The following MEFV variants were observed in gnomAD, a reference collection of about 807,000 sequenced individuals.
The protein encoded by MEFV is MEFV innate immunity regulator, pyrin, also known as pyrin.
Under a neutral mutation model 62.5 loss-of-function variants are expected in MEFV, and 60 were observed. That is an observed-to-expected ratio of 0.96 (90% CI 0.78 to 1.19). MEFV has a LOEUF of 1.19. Among genes scored for constraint, MEFV ranks in the 50% most tolerant of loss-of-function variants. The pLI is 0.00. For missense variants in MEFV, 1,169 were observed against 1,004.5 expected (o/e 1.16, Z -2.21); for synonymous variants, 500 against 415.2 (o/e 1.20, Z -2.48).
At position 3,243,261 on chromosome 16, in the gene MEFV, T is replaced by C. The variant is rs1958884329; in HGVS notation, c.2226A>G (p.Thr742=). 2 of 1,614,026 alleles carry C rather than the reference T, an allele frequency of 1.2e-6. No homozygotes were observed. Among genetic ancestry groups the C allele is most frequent in the African/African-American group, 2.7e-5 (2 of 74,900 alleles). The change falls in exon 10 of 10, where the codon ACA becomes ACG. Residue 742 remains threonine, a synonymous_variant. Transcript: ENST00000219596. ...YNVTARSHIY[T]FASCSFSGPL... is the part of the protein sequence containing the mutation. ...GCCCAGAGAAAGAGCAGCTGGCGAA[T>C]GTATAGATGTGGGATCTGGCTGTCA...
chr16:3,254,609 C>T lies in MEFV; in HGVS notation c.459G>A (p.Leu153=). The T allele has an allele frequency of 6.2e-7, 1 of 1,601,646 alleles. No individual in the cohort carries two copies. The highest frequency in any genetic ancestry group is 8.5e-7 in the Non-Finnish European group (1 of 1,176,368). ...RCSQPEAGRG[L]SRKPLSKRRE... ...TGCGTTTGCTCAGGGGCTTCCTCGA[C>T]AGCCCCCTCCCGGCCTCGGGCTGGC... is the stretch of plus-strand genomic sequence containing the variant. The change falls in exon 2 of 10, where the codon CTG becomes CTA. Residue 153 remains leucine, a synonymous_variant. Coordinates refer to ENST00000219596, the MANE Select transcript of MEFV (RefSeq NM_000243.3).
At chr16:3,245,122 A>G (rs1958920590) in intron 6 of MEFV, among the ~76,000 whole-genome samples, 1 of 152,042 alleles carries the variant, frequency 6.6e-6, no homozygotes, top group Non-Finnish European at 1.5e-5. Flanking sequence ...CCCTGTCTCT[A>G]TTAAAAATAC....
intron 2 of MEFV, chr16:3,251,886 A>G (rs1159310113): frequency 4.6e-6 from 1 of 216,360 alleles, no homozygotes; most frequent in South Asian, 5.3e-5. Flanking sequence ...AGATTAACGA[A>G]GCGGCCCTAG....
chr16:3,254,720 C>T lies in MEFV; in HGVS notation c.348G>A (p.Arg116=), dbSNP rs761181557. ...ASSSLGENKP[R]SLKTPDHPEG... ...CGGGGTGGTCTGGAGTCTTCAGGCT[C>T]CTGGGCTTGTTCTCCCCCAGGGAGC... Residue 116 remains arginine, a synonymous_variant, in exon 2 of 10, where the codon AGG becomes AGA. Coordinates refer to ENST00000219596, the MANE Select transcript of MEFV (RefSeq NM_000243.3). 7 of 1,612,906 alleles carry T rather than the reference C, an allele frequency of 4.3e-6. No homozygotes were observed. The highest frequency in any genetic ancestry group is 5.9e-6 in the Non-Finnish European group (7 of 1,180,014).
Position 3,242,192 on chromosome 16 carries a change from A to T in MEFV, c.*949T>A. The T allele has an allele frequency of 4.0e-6, 1 of 251,950 alleles. No individual in the cohort carries two copies. Among genetic ancestry groups the T allele is most frequent in the South Asian group, 3.0e-5 (1 of 33,678 alleles). 15.6% of individuals were successfully genotyped at this position (251,950 alleles called of 1,614,324 possible). A position where few individuals can be genotyped will look rare whatever the true frequency, so the allele number is the denominator to read the frequency against. On this transcript the variant is annotated 3_prime_UTR_variant, in exon 10 of 10. Coordinates refer to ENST00000219596, the MANE Select transcript of MEFV (RefSeq NM_000243.3). ...GGCCTGGCCAACATGATGAAACCTC[A>T]TGTCTACTAAAAATGCAAAAAATTA...
Position 3,250,822 on chromosome 16 carries a change from A to G in MEFV, c.911-1042T>C, listed in dbSNP as rs544374160. Among the ~76,000 whole-genome samples the G allele has an allele frequency of 5.3e-5, 8 of 151,330 alleles. No individual in the cohort carries two copies. In the East Asian group the frequency reaches 1.4e-3, roughly 26 times the overall value. On this transcript the variant is annotated intron_variant, in intron 2 of 9. Coordinates refer to ENST00000219596, the MANE Select transcript of MEFV (RefSeq NM_000243.3). Reference sequence around the variant, plus strand: ...GGGTGGGTCATGAGGTCAGGAGTTCAAGACCAGCCTGGCCAAGATGGTGAA... The same window carrying G: ...GGGTGGGTCATGAGGTCAGGAGTTCGAGACCAGCCTGGCCAAGATGGTGAA...
At chr16:3,250,320 C>T (rs781434943) in intron 2 of MEFV, among the ~76,000 whole-genome samples, 5 of 152,184 alleles carry the variant, frequency 3.3e-5, no homozygotes, top group Non-Finnish European at 7.3e-5. Context: ...TAAATGAAAG[C>T]AAAGAAGGGG....
rs764748463 is a variant in MEFV at position 3,254,655 on chromosome 16, C to T, written c.413G>A (p.Gly138Glu). Residue 138 changes from glycine (G) to glutamate (E), a missense_variant, in exon 2 of 10, where the codon GGA becomes GAA. Physicochemically the swap from Gly to Glu is moderately conservative, Grantham distance 98 (BLOSUM62 -2). Coordinates refer to ENST00000219596, the MANE Select transcript of MEFV (RefSeq NM_000243.3). ...EGNGPRPYGG[G>E]AASLRCSQPE... ...CTGGCTGCACCGCAGGCTGGCAGCT[C>T]CGCCCCCGTACGGCCGAGGGCCGTT... is the stretch of plus-strand genomic sequence containing the variant. 8 of 1,609,660 alleles carry T rather than the reference C, an allele frequency of 5.0e-6. No individual in the cohort carries two copies. The highest frequency in any genetic ancestry group is 1.7e-5 in the Admixed American group (1 of 59,880).
At position 3,244,255 on chromosome 16, in the gene MEFV, A is replaced by G. The variant is rs202228332; in HGVS notation, c.1758T>C (p.Asn586=). The change falls in exon 8 of 10, where the codon AAT becomes AAC. Residue 586 remains asparagine (N), a splice_region_variant and synonymous_variant. Coordinates refer to ENST00000219596, the MANE Select transcript of MEFV (RefSeq NM_000243.3). ...ETLRSEMEMF[N]VPELIGAQAH... The stretch of plus-strand genomic sequence containing the variant: ...ACACACCATTACCGCTGGACTCACC[A>G]TTGAACATTTCCATTTCTGAACGCA... The G allele has an allele frequency of 8.7e-5, 140 of 1,613,852 alleles. No homozygotes were observed. The highest frequency in any genetic ancestry group is 1.2e-4 in the Non-Finnish European group (136 of 1,179,982).
chr16:3,243,050 G>T lies in MEFV; in HGVS notation c.*91C>A. The T allele has an allele frequency of 1.4e-6, 2 of 1,426,738 alleles. No homozygotes were observed. Among genetic ancestry groups the T allele is most frequent in the Non-Finnish European group, 2.0e-6 (2 of 1,015,604 alleles). The allele number at this position is 1,426,738 out of a possible 1,614,324, so 88.4% of individuals were successfully genotyped here. ...TTTTGTTATTTTTGCATTTCCCATA[G>T]CAGCTAGCACCTAGTCGGCATTCCG... On this transcript the variant is annotated 3_prime_UTR_variant, in exon 10 of 10. Transcript: ENST00000219596.
chr16:3,247,106 G>C lies in MEFV; in HGVS notation c.1497C>G (p.Asp499Glu). 6.2e-7 allele frequency: 1 copy of C among 1,614,184 alleles called. No individual in the cohort carries two copies. The highest frequency in any genetic ancestry group is 8.5e-7 in the Non-Finnish European group (1 of 1,180,024). The change falls in exon 5 of 10, where the codon GAC becomes GAG. Residue 499 changes from aspartate (D) to glutamate (E), a missense_variant. Physicochemically the swap from Asp to Glu is conservative, Grantham distance 45. Transcript: ENST00000219596. ...GGGCGATGTCCTGGGATACGCGGGT[G>C]TCATATGCCTTCCTGATCTGCCCAA... is the stretch of plus-strand genomic sequence containing the variant. ...QMVGQIRKAY[D>E]TRVSQDIALL...
At chr16:3,247,548 A>G in intron 4 of MEFV, 1 of 382,710 alleles carries the variant, frequency 2.6e-6, no homozygotes, top group Non-Finnish European at 4.6e-6. Flanking sequence ...TCTTATTTGG[A>G]GATAAGAGTT....
chr16:3,253,259 C>T (rs921235704), intron 2 of MEFV, among the ~76,000 whole-genome samples: 1 of 152,034 alleles, frequency 6.6e-6, no homozygotes, highest in African/African-American at 2.4e-5. Context: ...AGGTCCCTCC[C>T]CTAAAAGAAG....
At chr16:3,247,642 G>A (rs1457822380) in intron 4 of MEFV, 1 of 222,206 alleles carries the variant, frequency 4.5e-6, no homozygotes, top group African/African-American at 2.3e-5. Flanking sequence ...TTATAAAATG[G>A]GGAAATTTGG....
rs933330251 is a variant in MEFV, at chr16:3,254,279, T to C, written c.789A>G (p.Leu263=). 9.9e-6 allele frequency: 16 copies of C among 1,614,268 alleles called. No individual in the cohort carries two copies. The highest frequency in any genetic ancestry group is 1.4e-5 in the Non-Finnish European group (16 of 1,180,050). ...CCAGATTCGCAGCTGTCTTTTCCTC[T>C]AGAGTCAGGAGAATTTCTGGATTTG... ...APANPEILLT[L]EEKTAANLDS... is the part of the protein sequence containing the mutation. The change falls in exon 2 of 10, where the codon CTA becomes CTG. Residue 263 remains leucine, a synonymous_variant. Transcript: ENST00000219596.
Position 3,254,588 on chromosome 16 carries a change from T to C in MEFV, c.480A>G (p.Lys160=). 6.3e-7 allele frequency: 1 copy of C among 1,593,400 alleles called. No homozygotes were observed. Among genetic ancestry groups the C allele is most frequent in the East Asian group, 2.3e-5 (1 of 44,350 alleles). The stretch of plus-strand genomic sequence containing the variant: ...GGCCCTCCGAGGCCTTCTCTCTGCG[T>C]TTGCTCAGGGGCTTCCTCGACAGCC... The part of the protein sequence containing the change: ...GRGLSRKPLS[K]RREKASEGLD... The change falls in exon 2 of 10, where the codon AAA becomes AAG. Residue 160 remains lysine, a synonymous_variant. Transcript: ENST00000219596.
At position 3,243,208 on chromosome 16, in the gene MEFV, G is replaced by C; in HGVS notation, c.2279C>G (p.Thr760Arg). 1 of 1,614,110 alleles carries C rather than the reference G, an allele frequency of 6.2e-7. No individual in the cohort carries two copies. Among genetic ancestry groups the C allele is most frequent in the Non-Finnish European group, 8.5e-7 (1 of 1,180,034 alleles). ...AGCTGTGTTCTTCCCTCCATCACGT[G>C]TCCCAGGGCTGAAGATAGGTTGAAG... The part of the protein sequence containing the change: ...GPLQPIFSPG[T>R]RDGGKNTAPL... The change falls in exon 10 of 10, where the codon ACA becomes AGA. Residue 760 changes from threonine (T) to arginine (R), a missense_variant. By Grantham distance (71) the Thr-to-Arg change is moderately conservative (BLOSUM62 -1). Coordinates refer to ENST00000219596, the MANE Select transcript of MEFV (RefSeq NM_000243.3).
At position 3,256,295 on chromosome 16, in the gene MEFV, G is replaced by A. The variant is rs781767206; in HGVS notation, c.277+16C>T. 6.2e-7 allele frequency: 1 copy of A among 1,612,454 alleles called. No homozygotes were observed. Among genetic ancestry groups the A allele is most frequent in the South Asian group, 1.1e-5 (1 of 90,924 alleles). On this transcript the variant is annotated intron_variant, in intron 1 of 9. Transcript: ENST00000219596. Reference sequence around the variant, plus strand: ...GCACTCAGCACTGGATGAGGAGGAGGCCTGGGCCCGCTTACCCTGAATGGC... The same window carrying A: ...GCACTCAGCACTGGATGAGGAGGAGACCTGGGCCCGCTTACCCTGAATGGC...
At chr16:3,250,676 C>T (rs933893056) in intron 2 of MEFV, among the ~76,000 whole-genome samples, 14 of 151,606 alleles carry the variant, frequency 9.2e-5, no homozygotes, top group African/African-American at 3.2e-4. Flanking sequence ...AATAGCTCTA[C>T]TCCAAGACTC....
Sources: gnomAD v4.1 joint callset for allele counts (sites outside exome capture counted in the v4.1 genomes callset) on GRCh38, gnomAD v4.1.1 for gene constraint, MANE v1.5 for transcripts, NCBI Gene and HGNC (gene_info 2026-07-23, HGNC 2026-07-21) for gene names.